ADGRL4: variants seen among roughly 807,000 people sequenced by gnomAD.
The protein encoded by ADGRL4 is EGF, latrophilin and seven transmembrane domain containing 1.
A neutral mutation model predicts 74.8 loss-of-function variants in ADGRL4; 90 were observed. The observed-to-expected ratio is 1.20, with a 90% confidence interval of 1.02 to 1.43. The LOEUF is 1.43. ADGRL4 is among the 40% of genes most tolerant of loss of function. The pLI, the probability that ADGRL4 is intolerant of heterozygous loss-of-function variation, is 0.00. For missense variants in ADGRL4, 881 were observed against 814.3 expected (o/e 1.08, Z -1.00); for synonymous variants, 311 against 279.2 (o/e 1.11, Z -1.14).
chr1:78,918,724 G>A lies in ADGRL4; in HGVS notation c.1462-674C>T, dbSNP rs182118496. On this transcript the variant is annotated intron_variant, in intron 10 of 14. Coordinates refer to ENST00000370742, the MANE Select transcript of ADGRL4 (RefSeq NM_022159.4). ...AGTAAAGCTAAAGGTATGTATCATG[G>A]GAGAGATAACATAATACATACTTAT... Among the ~76,000 whole-genome samples the A allele has an allele frequency of 1.4e-3, 219 of 151,716 alleles. 2 individuals carry two copies. The highest frequency in any genetic ancestry group is 8.4e-4 in the Non-Finnish European group (57 of 67,838).
intron 2 of ADGRL4, among the ~76,000 whole-genome samples, chr1:78,959,499 A>G (rs1330478485): frequency 6.6e-6 from 1 of 152,110 alleles, no homozygotes; most frequent in Non-Finnish European, 1.5e-5. Context: ...GCAAAAACAC[A>G]TTCATAGCAT....
At chr1:78,999,839 T>TCTATCTACCTACCTAC (rs1426981277) in intron 2 of ADGRL4, among the ~76,000 whole-genome samples, 3 of 111,574 alleles carry the variant, frequency 2.7e-5, no homozygotes, top group African/African-American at 1.0e-4. Flanking sequence ...TATCTATCTA[T>TCTATCTACCTACCTAC]CTACCTACCT....
chr1:78,989,841 C>A (rs1309475530), intron 2 of ADGRL4, among the ~76,000 whole-genome samples: 1 of 151,880 alleles, frequency 6.6e-6, no homozygotes, highest in South Asian at 2.1e-4. Flanking sequence ...ATTGTATTTT[C>A]GTCTTTAGTC....
intron 6 of ADGRL4, among the ~76,000 whole-genome samples, chr1:78,937,268 A>C (rs1245689977): frequency 6.6e-6 from 1 of 152,110 alleles, no homozygotes; most frequent in East Asian, 1.9e-4. Flanking sequence ...AACATGGTGA[A>C]ACCCCATCTC....
At chr1:78,900,673 ATTC>A (rs1185265699) in intron 12 of ADGRL4, among the ~76,000 whole-genome samples, 5 of 151,832 alleles carry the variant, frequency 3.3e-5, no homozygotes, top group East Asian at 1.9e-4. Flanking sequence ...TCCCTTCACT[ATTC>A]TTCTCTCTCT....
At chr1:78,934,727 A>G (rs529527806) in intron 7 of ADGRL4, among the ~76,000 whole-genome samples, 1 of 152,300 alleles carries the variant, frequency 6.6e-6, no homozygotes, top group South Asian at 2.1e-4. Context: ...AAGCAACTCC[A>G]TCAAAAAGTG....
intron 12 of ADGRL4, among the ~76,000 whole-genome samples, chr1:78,904,215 C>A (rs1399788371): frequency 6.6e-6 from 1 of 151,548 alleles, no homozygotes; most frequent in African/African-American, 2.4e-5. Context: ...ACAGAGTACC[C>A]AGAGTGGTAG....
chr1:78,983,684 T>C (rs1650440387), intron 2 of ADGRL4, among the ~76,000 whole-genome samples: 1 of 151,780 alleles, frequency 6.6e-6, no homozygotes, highest in Non-Finnish European at 1.5e-5. Context: ...ATTAAAACTT[T>C]TACAGAATTG....
At chr1:78,895,145 T>C (rs1234767535) in intron 12 of ADGRL4, among the ~76,000 whole-genome samples, 1 of 151,990 alleles carries the variant, frequency 6.6e-6, no homozygotes, top group African/African-American at 2.4e-5. Flanking sequence ...CTCATATTTT[T>C]CCAAATTTAA....
At chr1:78,927,978 G>C (rs974510525) in intron 7 of ADGRL4, among the ~76,000 whole-genome samples, 6 of 151,754 alleles carry the variant, frequency 4.0e-5, no homozygotes, top group Admixed American at 3.9e-4. Flanking sequence ...GTATGACATT[G>C]TTGGGCTAGT....
chr1:78,998,595 C>T (rs1046562370), intron 2 of ADGRL4, among the ~76,000 whole-genome samples: 7 of 151,982 alleles, frequency 4.6e-5, no homozygotes, highest in Non-Finnish European at 1.0e-4. Flanking sequence ...GTCGCTATCT[C>T]GACATGGTGA....
At chr1:78,991,183 G>A (rs1226472462) in intron 2 of ADGRL4, among the ~76,000 whole-genome samples, 1 of 151,886 alleles carries the variant, frequency 6.6e-6, no homozygotes, top group Non-Finnish European at 1.5e-5. Flanking sequence ...TCCTTCAGAG[G>A]GCCAAAAGCA....
intron 14 of ADGRL4, 99 bp downstream of exon 14, chr1:78,891,425 G>A (rs1648270518): frequency 1.5e-6 from 2 of 1,341,010 alleles, no homozygotes; most frequent in Non-Finnish European, 1.0e-6. Flanking sequence ...GGCAATAAAG[G>A]CAGAAGTCAT....
intron 2 of ADGRL4, among the ~76,000 whole-genome samples, chr1:78,956,612 C>A (rs748170054): frequency 4.9e-4 from 74 of 152,084 alleles, no homozygotes; most frequent in Non-Finnish European, 9.3e-4. Context: ...ATCTATTATG[C>A]AAAACCAGGT....
Position 78,891,225 on chromosome 1 carries a change from T to TA in ADGRL4, c.2011-10dup, listed in dbSNP as rs143948092. ...TAATATTCTTCTTGAATCTAAAAATTAAAAAAAGGAAAGGAAGAAATGTTA... is the reference window on the plus strand; with the variant it reads ...TAATATTCTTCTTGAATCTAAAAATTAAAAAAAAGGAAAGGAAGAAATGTTA... On this transcript the variant is annotated splice_polypyrimidine_tract_variant and intron_variant, in intron 14 of 14. Coordinates refer to ENST00000370742, the MANE Select transcript of ADGRL4 (RefSeq NM_022159.4). 8 of 1,590,634 alleles carry TA rather than the reference T, an allele frequency of 5.0e-6. No homozygotes were observed. The African/African-American group carries it at 6.8e-5, about 13-fold the overall frequency.
intron 2 of ADGRL4, among the ~76,000 whole-genome samples, chr1:78,972,922 C>T (rs1197076401): frequency 6.6e-6 from 1 of 152,168 alleles, no homozygotes; most frequent in African/African-American, 2.4e-5. Flanking sequence ...CCAATGGACC[C>T]TGCTCTTACC....
In ADGRL4 at chr1:78,938,282, G is replaced by C; in HGVS notation, c.397-3C>G. The C allele has an allele frequency of 6.4e-7, 1 of 1,551,500 alleles. No homozygotes were observed. Among genetic ancestry groups the C allele is most frequent in the Non-Finnish European group, 8.6e-7 (1 of 1,157,010 alleles). ...ACAGGTTCTTTTATGGATCTGATCT[G>C]AGAAAAAATGAGTCCAGAAAAAGGA... On this transcript the variant is annotated splice_polypyrimidine_tract_variant and splice_region_variant and intron_variant, in intron 4 of 14. Coordinates refer to ENST00000370742, the MANE Select transcript of ADGRL4 (RefSeq NM_022159.4).
chr1:78,936,274 G>A, intron 7 of ADGRL4, 21 bp downstream of exon 7: 4 of 1,579,998 alleles, frequency 2.5e-6, no homozygotes, highest in Non-Finnish European at 3.4e-6. Flanking sequence ...TATATTGTCT[G>A]TTAGATTGTT....
chr1:78,962,030 G>A (rs762705438), intron 2 of ADGRL4, among the ~76,000 whole-genome samples: 36 of 152,082 alleles, frequency 2.4e-4, no homozygotes, highest in Non-Finnish European at 3.5e-4. Context: ...GCAGGCATGC[G>A]CCATCACACC....
Sources: gnomAD v4.1 joint callset for allele counts (sites outside exome capture counted in the v4.1 genomes callset) on GRCh38, gnomAD v4.1.1 for gene constraint, MANE v1.5 for transcripts, NCBI Gene and HGNC (gene_info 2026-07-23, HGNC 2026-07-21) for gene names.